RB1: variants seen among roughly 807,000 people sequenced by gnomAD.
RB1 encodes retinoblastoma-associated protein.
A neutral mutation model predicts 135.4 loss-of-function variants in RB1; 18 were observed. That is an observed-to-expected ratio of 0.13 (90% CI 0.09 to 0.20). The LOEUF (loss-of-function observed/expected upper bound fraction) is 0.20, where lower values mean the gene tolerates loss of function less well. RB1 is among the 10% of genes least tolerant of loss of function. The probability of loss-of-function intolerance (pLI) is 1.00; values close to 1 mark genes in which losing one functional copy is unlikely to be tolerated. For synonymous variants in RB1, 365 were observed against 373.2 expected (o/e 0.98, Z 0.25); for missense variants, 868 against 1,110.0 (o/e 0.78, Z 3.10).
At chr13:48,342,910 G>A (rs1394549904) in intron 3 of RB1, among the ~76,000 whole-genome samples, 196 bp downstream of exon 3, 1 of 152,092 alleles carries the variant, frequency 6.6e-6, no homozygotes, top group Non-Finnish European at 1.5e-5. Flanking sequence ...TCTTTAAGAG[G>A]TAGCAGTTTG....
chr13:48,380,763 C>T (rs1948528793), intron 16 of RB1, among the ~76,000 whole-genome samples: 1 of 151,928 alleles, frequency 6.6e-6, no homozygotes, highest in African/African-American at 2.4e-5. Flanking sequence ...TATAAGGATG[C>T]AAAACACAGA....
rs1952206626 is a variant in RB1, at chr13:48,318,606, C to T, written c.264+11200C>T. On this transcript the variant is annotated intron_variant, in intron 2 of 26. Transcript: ENST00000267163. ...CCGCCCCTCATGGCCGGGCACGGCT[C>T]ACGCCTGGCTGTGGTCGGCATCCTG... is the stretch of plus-strand genomic sequence containing the variant. 6.5e-6 allele frequency: 4 copies of T among 615,978 alleles called. No individual in the cohort carries two copies. In the East Asian group the frequency reaches 9.2e-5, roughly 14 times the overall value. 38.2% of individuals were successfully genotyped at this position (615,978 alleles called of 1,614,324 possible). A position where few individuals can be genotyped will look rare whatever the true frequency, so the allele number is the denominator to read the frequency against.
intron 20 of RB1, 81 bp downstream of exon 20, chr13:48,459,914 T>TTCCTTCCTTCCTTCCTTCCTTCC: frequency 2.1e-6 from 1 of 484,138 alleles, no homozygotes; most frequent in East Asian, 3.7e-5. Flanking sequence ...TCTTTCTTTC[T>TTCCTTCCTTCCTTCCTTCCTTCC]TTCTTTCTTT....
At chr13:48,435,877 C>T (rs932297803) in intron 17 of RB1, among the ~76,000 whole-genome samples, 2 of 151,940 alleles carry the variant, frequency 1.3e-5, no homozygotes, top group Non-Finnish European at 2.9e-5. Flanking sequence ...AAAGATGAGA[C>T]AAATAGATGT....
intron 9 of RB1, among the ~76,000 whole-genome samples, chr13:48,365,875 G>GA (rs1952690601): frequency 6.6e-6 from 1 of 152,134 alleles, no homozygotes; most frequent in South Asian, 2.1e-4. Flanking sequence ...ACAAGAGTGT[G>GA]AAAAAAGTAT....
At chr13:48,436,398 T>A (rs1013633970) in intron 17 of RB1, among the ~76,000 whole-genome samples, 2 of 152,168 alleles carry the variant, frequency 1.3e-5, no homozygotes, top group Admixed American at 1.3e-4. Flanking sequence ...ATCTCAGCAC[T>A]TTGAGAGGCC....
chr13:48,313,634 A>G lies in RB1; in HGVS notation c.264+6228A>G, dbSNP rs77309191. ...CTCTGCACCACTTATGGAAAAGACT[A>G]TTCTTTCTTCATTGAATTGTTTTGG... On this transcript the variant is annotated intron_variant, in intron 2 of 26. Coordinates refer to ENST00000267163, the MANE Select transcript of RB1 (RefSeq NM_000321.3). Among the ~76,000 whole-genome samples, 1,006 of 149,666 alleles carry G rather than the reference A, an allele frequency of 6.7e-3. 18 individuals are homozygous for G. Among genetic ancestry groups the G allele is most frequent in the African/African-American group, 0.024 (965 of 40,734 alleles).
intron 17 of RB1, among the ~76,000 whole-genome samples, chr13:48,432,800 G>T (rs1949143803): frequency 6.6e-6 from 1 of 151,926 alleles, no homozygotes; most frequent in African/African-American, 2.4e-5. Context: ...TAATATAGGA[G>T]AGATATTACT....
intron 17 of RB1, among the ~76,000 whole-genome samples, chr13:48,383,695 C>G (rs1233114196): frequency 6.6e-6 from 1 of 151,902 alleles, no homozygotes; most frequent in Admixed American, 6.6e-5. Flanking sequence ...AATTTCATAA[C>G]TACTTATGGA....
At chr13:48,442,362 G>A (rs198569) in intron 17 of RB1, among the ~76,000 whole-genome samples, 123,947 of 152,082 alleles carry the variant, frequency 0.82, 55,028 homozygotes, top group East Asian at 1. Flanking sequence ...AACCATGCCC[G>A]GCTAATTTTT....
intron 2 of RB1, among the ~76,000 whole-genome samples, chr13:48,328,913 A>C (rs1952310832): frequency 1.3e-5 from 2 of 152,044 alleles, no homozygotes; most frequent in Admixed American, 6.5e-5. Context: ...ATATAGATCT[A>C]ACAGATGTAG....
intron 2 of RB1, chr13:48,317,839 G>C (rs1952199315): frequency 2.7e-6 from 1 of 368,462 alleles, no homozygotes; most frequent in African/African-American, 2.1e-5. Context: ...CACGCCAGGC[G>C]GTGGGGCCCG....
chr13:48,465,860 A>G (rs2138347386), intron 23 of RB1, among the ~76,000 whole-genome samples: 1 of 150,886 alleles, frequency 6.6e-6, no homozygotes, highest in South Asian at 2.1e-4. Context: ...CGGCTTAAGA[A>G]ACGGCGCACC....
intron 11 of RB1, 45 bp downstream of exon 11, chr13:48,368,649 A>G: frequency 6.3e-7 from 1 of 1,590,810 alleles, no homozygotes; most frequent in Non-Finnish European, 8.6e-7. Context: ...TTTGTTATTC[A>G]TGGCTTTATA....
rs1426927443 is a variant in RB1 at position 48,473,209 on chromosome 13, C to T, written c.2490-151C>T. 4 of 619,184 alleles carry T rather than the reference C, an allele frequency of 6.5e-6. No individual in the cohort carries two copies. In the East Asian group the frequency reaches 8.1e-5, roughly 13 times the overall value. 38.4% of individuals were successfully genotyped at this position (619,184 alleles called of 1,614,324 possible). ...TTAGACGGGCACTGTTAGAATAATT[C>T]CCAAATGAATATAGTTTGTCAGTGG... On this transcript the variant is annotated intron_variant, in intron 23 of 26. Coordinates refer to ENST00000267163, the MANE Select transcript of RB1 (RefSeq NM_000321.3).
At chr13:48,399,563 CT>C (rs2138177593) in intron 17 of RB1, among the ~76,000 whole-genome samples, 1 of 152,020 alleles carries the variant, frequency 6.6e-6, no homozygotes, top group East Asian at 1.9e-4. Flanking sequence ...AATAAAATAA[CT>C]TTCTTCATCA....
intron 17 of RB1, chr13:48,426,814 G>C (rs1037665611): frequency 2.6e-5 from 4 of 152,200 alleles, no homozygotes; most frequent in African/African-American, 9.7e-5. Context: ...AAATACCTGA[G>C]ACTGGGTAAT....
At chr13:48,448,161 G>T (rs1320307186) in intron 17 of RB1, among the ~76,000 whole-genome samples, 1 of 152,144 alleles carries the variant, frequency 6.6e-6, no homozygotes. Flanking sequence ...AAAATATTTA[G>T]TATAACAGTA....
At chr13:48,453,835 A>T (rs983874406) in intron 18 of RB1, among the ~76,000 whole-genome samples, 6 of 152,234 alleles carry the variant, frequency 3.9e-5, no homozygotes, top group African/African-American at 1.2e-4. Context: ...TGCTGAGTGA[A>T]TCGACATTTT....
Sources: gnomAD v4.1 joint callset for allele counts (sites outside exome capture counted in the v4.1 genomes callset) on GRCh38, gnomAD v4.1.1 for gene constraint, MANE v1.5 for transcripts, NCBI Gene and HGNC (gene_info 2026-07-23, HGNC 2026-07-21) for gene names.